The following AUTS2 variants were observed in gnomAD, a reference collection of about 807,000 sequenced individuals.
The protein encoded by AUTS2 is activator of transcription and developmental regulator AUTS2, also known as autism susceptibility gene 2 protein.
AUTS2 carries 17 observed loss-of-function variants against 112.4 expected under a neutral mutation model. That is an observed-to-expected ratio of 0.15 (90% confidence interval 0.10 to 0.23). The LOEUF (loss-of-function observed/expected upper bound fraction) is 0.23, where lower values mean the gene tolerates loss of function less well. Among genes scored for constraint, AUTS2 ranks in the 10% least tolerant of loss-of-function variants. The probability of loss-of-function intolerance (pLI) is 1.00; values close to 1 mark genes in which losing one functional copy is unlikely to be tolerated. For missense variants in AUTS2, 1,510 were observed against 1,701.6 expected, an observed-to-expected ratio of 0.89 and a Z score of 1.98; for synonymous variants, 751 against 702.7, an observed-to-expected ratio of 1.07 and a Z score of -1.09.
chr7:70,334,279 G>A (rs1288185549), intron 4 of AUTS2, among the ~76,000 whole-genome samples: 1 of 152,156 alleles, frequency 6.6e-6, no homozygotes, highest in African/African-American at 2.4e-5. Context: ...TTCTAGTTTT[G>A]TGAGTATTTC....
intron 1 of AUTS2, among the ~76,000 whole-genome samples, chr7:69,744,014 C>G (rs190568982): frequency 6.6e-6 from 1 of 151,980 alleles, no homozygotes; most frequent in East Asian, 1.9e-4. Context: ...GTTTCTCAGG[C>G]TGGTTTTGAA....
At chr7:70,366,624 G>T (rs1338368658) in intron 4 of AUTS2, among the ~76,000 whole-genome samples, 2 of 152,068 alleles carry the variant, frequency 1.3e-5, no homozygotes, top group Non-Finnish European at 2.9e-5. Context: ...TGATAAACTC[G>T]GGGAAATCAC....
At chr7:69,895,433 T>G (rs1794700547) in intron 1 of AUTS2, among the ~76,000 whole-genome samples, 1 of 152,156 alleles carries the variant, frequency 6.6e-6, no homozygotes, top group South Asian at 2.1e-4. Context: ...ATCTCTAGTC[T>G]CTGAAAATAT....
intron 5 of AUTS2, among the ~76,000 whole-genome samples, chr7:70,457,066 G>A (rs1204432648): frequency 1.3e-5 from 2 of 152,218 alleles, no homozygotes; most frequent in Admixed American, 6.5e-5. Flanking sequence ...CCAAAACAGA[G>A]TGTGTGTGAG....
At chr7:70,693,024 T>G (rs1229974760) in intron 5 of AUTS2, among the ~76,000 whole-genome samples, 1 of 152,192 alleles carries the variant, frequency 6.6e-6, no homozygotes, top group Non-Finnish European at 1.5e-5. Flanking sequence ...CCCACTGTAC[T>G]CCACAACCCT....
chr7:70,748,587 G>C (rs1788611507), intron 6 of AUTS2, among the ~76,000 whole-genome samples: 1 of 152,168 alleles, frequency 6.6e-6, no homozygotes, highest in South Asian at 2.1e-4. Context: ...GCAAATCAAG[G>C]AGAATAGTGT....
intron 4 of AUTS2, among the ~76,000 whole-genome samples, chr7:70,381,340 A>G (rs995239163): frequency 1.3e-5 from 2 of 152,204 alleles, no homozygotes; most frequent in Non-Finnish European, 2.9e-5. Flanking sequence ...AACACAGTAC[A>G]TACATTTGTC....
chr7:70,173,868 C>CCT (rs147293138), intron 4 of AUTS2, among the ~76,000 whole-genome samples: 20 of 151,528 alleles, frequency 1.3e-4, no homozygotes, highest in African/African-American at 3.6e-4. Flanking sequence ...ACCTGCCTTT[C>CCT]CTCTCTCTCT....
chr7:70,728,534 C>T (rs1390437279), intron 6 of AUTS2, among the ~76,000 whole-genome samples: 1 of 151,872 alleles, frequency 6.6e-6, no homozygotes, highest in Non-Finnish European at 1.5e-5. Flanking sequence ...CATGACGAAA[C>T]CCTGTCTCTA....
intron 4 of AUTS2, among the ~76,000 whole-genome samples, chr7:70,324,740 AG>A (rs1284420806): frequency 6.6e-6 from 1 of 152,246 alleles, no homozygotes; most frequent in Non-Finnish European, 1.5e-5. Context: ...AAACTTTCCT[AG>A]GAAGAGCACT....
chr7:70,790,599 A>G lies in AUTS2; in HGVS notation c.3383A>G (p.His1128Arg). The G allele has an allele frequency of 6.2e-7, 1 of 1,602,498 alleles. No homozygotes were observed. The highest frequency in any genetic ancestry group is 8.5e-7 in the Non-Finnish European group (1 of 1,175,166). Residue 1128 changes from histidine to arginine, a missense_variant, in exon 19 of 19, where the codon CAC becomes CGC. This residue lies in a region of AUTS2 where 788 missense variants were observed against 797.6 expected (regional missense o/e 0.99). Coordinates refer to ENST00000342771, the MANE Select transcript of AUTS2 (RefSeq NM_015570.4). The surrounding 1 kb of genome is among the most constrained non-coding windows in gnomAD (Gnocchi z 7.6). ...GAGCCTCACGACTACAGCCACCACCACCACCACCACCACCACCCGCTGTCT... is the reference window on the plus strand; with the variant it reads ...GAGCCTCACGACTACAGCCACCACCGCCACCACCACCACCACCCGCTGTCT... Reference protein sequence around the residue: ...DREPHDYSHHHHHHHHPLSVD... With the variant: ...DREPHDYSHHRHHHHHPLSVD...
At chr7:69,627,514 CAA>C (rs532262011) in intron 1 of AUTS2, among the ~76,000 whole-genome samples, 1 of 150,100 alleles carries the variant, frequency 6.7e-6, no homozygotes, top group African/African-American at 2.5e-5. Flanking sequence ...AAAAAACAAA[CAA>C]AAAAAAACAA....
At chr7:70,156,316 C>T (rs1807755651) in intron 4 of AUTS2, among the ~76,000 whole-genome samples, 2 of 152,212 alleles carry the variant, frequency 1.3e-5, no homozygotes, top group Non-Finnish European at 2.9e-5. Flanking sequence ...AAAGCAATTG[C>T]TTTCCCAGAA....
At chr7:69,838,044 G>A (rs1188289068) in intron 1 of AUTS2, among the ~76,000 whole-genome samples, 1 of 152,128 alleles carries the variant, frequency 6.6e-6, no homozygotes, top group African/African-American at 2.4e-5. Context: ...ATTGTAGCTG[G>A]TCTACTACAA....
chr7:70,730,483 G>A (rs1011282061), intron 6 of AUTS2, among the ~76,000 whole-genome samples: 1 of 152,068 alleles, frequency 6.6e-6, no homozygotes, highest in Non-Finnish European at 1.5e-5. Flanking sequence ...CCCGTTCCTG[G>A]GCACTTCATA....
chr7:69,756,370 G>C (rs1418061644), intron 1 of AUTS2, among the ~76,000 whole-genome samples: 3 of 152,194 alleles, frequency 2.0e-5, no homozygotes, highest in Non-Finnish European at 4.4e-5. Flanking sequence ...TTACATATCA[G>C]CAAGCAAAAT....
At chr7:70,592,064 G>A (rs1802973687) in intron 5 of AUTS2, among the ~76,000 whole-genome samples, 1 of 152,164 alleles carries the variant, frequency 6.6e-6, no homozygotes, top group African/African-American at 2.4e-5. Context: ...AGAAAGTTAT[G>A]CTGTTATAAA....
intron 5 of AUTS2, among the ~76,000 whole-genome samples, chr7:70,572,442 A>T (rs1801983227): frequency 9.8e-6 from 1 of 101,732 alleles, no homozygotes; most frequent in Admixed American, 1.5e-4. Context: ...ATGGAGTCTA[A>T]GAGAAGGCAG....
intron 4 of AUTS2, among the ~76,000 whole-genome samples, chr7:70,196,168 T>TA (rs1810163715): frequency 2.0e-5 from 3 of 152,178 alleles, no homozygotes; most frequent in African/African-American, 7.2e-5. Flanking sequence ...CACAGCCTAT[T>TA]AGTTAGAAGC....
Sources: gnomAD v4.1 joint callset for allele counts (sites outside exome capture counted in the v4.1 genomes callset) on GRCh38, gnomAD v4.1.1 for gene constraint, gnomAD v4.1.1 regional missense constraint, Gnocchi (gnomAD v3.1) non-coding constraint, MANE v1.5 for transcripts, NCBI Gene and HGNC (gene_info 2026-07-23, HGNC 2026-07-21) for gene names.